LRRTM4: variants seen among roughly 807,000 people sequenced by gnomAD.
LRRTM4 encodes the protein leucine-rich repeat transmembrane neuronal protein 4.
In LRRTM4, 25 loss-of-function variants were observed where a neutral mutation model predicts 47.6. The observed-to-expected ratio is 0.53, with a 90% CI of 0.38 to 0.73. LRRTM4 has a LOEUF of 0.73. LRRTM4 is among the 30% of genes least tolerant of loss of function. The pLI is 0.00. For missense variants in LRRTM4, 638 were observed against 713.4 expected (o/e 0.89, Z 1.20); for synonymous variants, 311 against 269.5 (o/e 1.15, Z -1.51).
At chr2:76,951,620 AT>A (rs1675497879) in intron 3 of LRRTM4, among the ~76,000 whole-genome samples, 2 of 151,730 alleles carry the variant, frequency 1.3e-5, no homozygotes, top group South Asian at 2.1e-4. Flanking sequence ...ATAATAGATA[AT>A]TTTTTTCTTT....
At chr2:77,289,662 A>G (rs548869443) in intron 3 of LRRTM4, among the ~76,000 whole-genome samples, 1 of 152,152 alleles carries the variant, frequency 6.6e-6, no homozygotes, top group South Asian at 2.1e-4. Flanking sequence ...CTTCTGCTCA[A>G]ACAGGTCTAT....
chr2:77,367,143 C>G (rs1251110607), intron 3 of LRRTM4, among the ~76,000 whole-genome samples: 1 of 151,698 alleles, frequency 6.6e-6, no homozygotes, highest in Non-Finnish European at 1.5e-5. Flanking sequence ...AATGACCTTC[C>G]TTGCCTTCGT....
intron 3 of LRRTM4, among the ~76,000 whole-genome samples, chr2:77,070,634 T>G (rs1191063031): frequency 1.3e-5 from 2 of 152,170 alleles, no homozygotes; most frequent in Non-Finnish European, 1.5e-5. Flanking sequence ...GTTTGTTTGC[T>G]TCTTTGTTGT....
At chr2:76,949,356 G>A (rs980044155) in intron 3 of LRRTM4, among the ~76,000 whole-genome samples, 2 of 151,812 alleles carry the variant, frequency 1.3e-5, no homozygotes, top group African/African-American at 2.4e-5. Context: ...TTGGGAATTC[G>A]CTCTCATGGA....
intron 3 of LRRTM4, among the ~76,000 whole-genome samples, chr2:77,239,903 A>T (rs2103987595): frequency 6.6e-6 from 1 of 151,992 alleles, no homozygotes; most frequent in Admixed American, 6.6e-5. Context: ...ATTATTTGTT[A>T]TTCACCTTAT....
At chr2:77,232,886 T>C (rs1675006146) in intron 3 of LRRTM4, among the ~76,000 whole-genome samples, 1 of 152,180 alleles carries the variant, frequency 6.6e-6, no homozygotes, top group South Asian at 2.1e-4. Context: ...TCAAAACATA[T>C]CTTTTAGTTC....
In LRRTM4 at chr2:77,519,392, G is replaced by GA; in HGVS notation, c.476dup (p.Ile160HisfsTer8). On this transcript the variant is annotated frameshift_variant, in exon 3 of 4. Transcript: ENST00000409884. LOFTEE classifies it high-confidence loss of function. This position sits in a 1 kb window ranked among gnomAD's most constrained non-coding sequence, Gnocchi z 4.6. ...AGTTAGATCTCAAGTGCAAAATGAT[G>GA]AGTTTCCGAAGGCCTTTAAATTGTT... 1 of 1,613,398 alleles carries GA rather than the reference G, an allele frequency of 6.2e-7. No individual in the cohort carries two copies. The highest frequency in any genetic ancestry group is 8.5e-7 in the Non-Finnish European group (1 of 1,179,594).
chr2:76,907,986 C>T (rs978546239), intron 3 of LRRTM4, among the ~76,000 whole-genome samples: 36 of 151,828 alleles, frequency 2.4e-4, no homozygotes, highest in Non-Finnish European at 4.1e-4. Context: ...CTCCCTAACT[C>T]ATTTTATGAG....
intron 3 of LRRTM4, among the ~76,000 whole-genome samples, chr2:76,791,876 A>C: frequency 6.6e-6 from 1 of 152,284 alleles, no homozygotes; most frequent in Non-Finnish European, 1.5e-5. Flanking sequence ...AGACTTTCAA[A>C]CCCCAGAGAA....
At chr2:77,227,032 C>T (rs1668657708) in intron 3 of LRRTM4, among the ~76,000 whole-genome samples, 1 of 151,898 alleles carries the variant, frequency 6.6e-6, no homozygotes, top group South Asian at 2.1e-4. Context: ...ACTGTTATTC[C>T]CAGCCATATC....
intron 3 of LRRTM4, among the ~76,000 whole-genome samples, chr2:77,124,370 C>A (rs941165366): frequency 1.3e-5 from 2 of 152,098 alleles, no homozygotes; most frequent in Admixed American, 1.3e-4. Flanking sequence ...ACATGACTTT[C>A]TCTAGGCTGT....
chr2:77,474,353 AT>A (rs1015318895), intron 3 of LRRTM4, among the ~76,000 whole-genome samples: 2 of 150,592 alleles, frequency 1.3e-5, no homozygotes, highest in African/African-American at 2.4e-5. Flanking sequence ...TTAGTAGTCC[AT>A]TTTTTTTTCC....
At chr2:76,989,333 G>A (rs1198669443) in intron 3 of LRRTM4, among the ~76,000 whole-genome samples, 2 of 151,806 alleles carry the variant, frequency 1.3e-5, no homozygotes, top group Non-Finnish European at 2.9e-5. Context: ...TTAGTGGTCT[G>A]TAAGAGGACC....
At chr2:77,184,676 C>T (rs1673449429) in intron 3 of LRRTM4, among the ~76,000 whole-genome samples, 1 of 152,046 alleles carries the variant, frequency 6.6e-6, no homozygotes, top group Admixed American at 6.6e-5. Context: ...TGATCCCTCC[C>T]AGCCATAAAT....
chr2:77,031,614 G>A (rs139276800), intron 3 of LRRTM4, among the ~76,000 whole-genome samples: 188 of 152,142 alleles, frequency 1.2e-3, no homozygotes, highest in African/African-American at 4.0e-3. Flanking sequence ...GCTTTTCAGG[G>A]CTTCTCTGTG....
chr2:76,965,464 T>C (rs2103923588), intron 3 of LRRTM4, among the ~76,000 whole-genome samples: 1 of 151,488 alleles, frequency 6.6e-6, no homozygotes, highest in South Asian at 2.1e-4. Flanking sequence ...ATTATATTAA[T>C]TGATATCTTT....
intron 3 of LRRTM4, among the ~76,000 whole-genome samples, chr2:76,828,484 C>T (rs968884556): frequency 1.3e-5 from 2 of 151,826 alleles, no homozygotes; most frequent in African/African-American, 2.4e-5. Flanking sequence ...ACACTTGTAA[C>T]GAAAGCAAAA....
intron 3 of LRRTM4, among the ~76,000 whole-genome samples, chr2:77,133,337 C>T (rs1007003730): frequency 3.3e-5 from 5 of 152,142 alleles, no homozygotes; most frequent in Non-Finnish European, 7.4e-5. Context: ...TTTTTATTCA[C>T]TCTTTTTTTT....
At position 77,451,190 on chromosome 2, in the gene LRRTM4, G is replaced by A. The variant is rs114970283; in HGVS notation, c.1551+67128C>T. ...ATTTGATCACCCCCATCCCAATCTCGCTAATAAATTTATTGAGTTTTTGAA... is the reference window on the plus strand; with the variant it reads ...ATTTGATCACCCCCATCCCAATCTCACTAATAAATTTATTGAGTTTTTGAA... On this transcript the variant is annotated intron_variant, in intron 3 of 3. Coordinates refer to ENST00000409884, the MANE Select transcript of LRRTM4 (RefSeq NM_001134745.3). 2.0e-3 allele frequency among the ~76,000 whole-genome samples: 299 copies of A among 152,076 alleles called. 1 individual carries two copies. The highest frequency in any genetic ancestry group is 7.0e-3 in the African/African-American group (290 of 41,486).
Sources: gnomAD v4.1 joint callset for allele counts (sites outside exome capture counted in the v4.1 genomes callset) on GRCh38, gnomAD v4.1.1 for gene constraint, Gnocchi (gnomAD v3.1) non-coding constraint, MANE v1.5 for transcripts, NCBI Gene and HGNC (gene_info 2026-07-23, HGNC 2026-07-21) for gene names.